SPPL2A: variants seen among roughly 807,000 people sequenced by gnomAD.
SPPL2A encodes the protein signal peptide peptidase-like 2A.
In SPPL2A, 51 loss-of-function variants were observed where a neutral mutation model predicts 63.8. The observed-to-expected ratio is 0.80, with a 90% CI of 0.64 to 1.01. SPPL2A has a LOEUF of 1.01. SPPL2A is among the 50% of genes least tolerant of loss of function. SPPL2A has a pLI of 0.00. For synonymous variants in SPPL2A, 188 were observed against 205.8 expected, an observed-to-expected ratio of 0.91 and a Z score of 0.74; for missense variants, 553 against 622.7, an observed-to-expected ratio of 0.89 and a Z score of 1.19.
At position 50,749,672 on chromosome 15, in the gene SPPL2A, A is replaced by AG; in HGVS notation, c.140dup (p.Tyr48LeufsTer16). 6.2e-7 allele frequency: 1 copy of AG among 1,611,638 alleles called. No individual in the cohort carries two copies. The highest frequency in any genetic ancestry group is 8.5e-7 in the Non-Finnish European group (1 of 1,177,766). On this transcript the variant is annotated frameshift_variant, in exon 2 of 15. Coordinates refer to ENST00000261854, the MANE Select transcript of SPPL2A (RefSeq NM_032802.4). LOFTEE classifies it high-confidence loss of function. ...GGGTACTTGGAAGAGCTGTCCAATA[A>AG]GGGTTATAAAGCATGCAGTAGTCCT... is the stretch of plus-strand genomic sequence containing the variant.
At chr15:50,750,059 T>C (rs1294344046) in intron 1 of SPPL2A, among the ~76,000 whole-genome samples, 1 of 152,190 alleles carries the variant, frequency 6.6e-6, no homozygotes, top group Admixed American at 6.5e-5. Context: ...ACTTGACAGC[T>C]GGAAACTTTC....
intron 13 of SPPL2A, 136 bp from the exon 14 acceptor site, chr15:50,720,236 T>C (rs2062634161): frequency 3.1e-6 from 2 of 634,988 alleles, no homozygotes; most frequent in Non-Finnish European, 5.2e-6. Flanking sequence ...ATTTCATCAT[T>C]TTCCTAGATA....
chr15:50,749,612 G>GTTT, intron 2 of SPPL2A, 24 bp downstream of exon 2: 1 of 1,372,604 alleles, frequency 7.3e-7, no homozygotes, highest in Non-Finnish European at 1.0e-6. Flanking sequence ...TTATGTTTAT[G>GTTT]AATAGTAACT....
intron 14 of SPPL2A, among the ~76,000 whole-genome samples, 170 bp downstream of exon 14, chr15:50,719,770 G>C (rs1056463887): frequency 6.6e-6 from 1 of 151,476 alleles, no homozygotes; most frequent in Non-Finnish European, 1.5e-5. Context: ...TTTGGCATTA[G>C]ATTGCAGGGG....
At position 50,749,636 on chromosome 15, in the gene SPPL2A, T is replaced by C. The variant is rs777108590; in HGVS notation, c.177A>G (p.Ala59=). ...TGAATAGTAACTGTGATTTACTTAC[T>C]GCATTTTCTAGGGTACTTGGAAGAG... ...WTALPSTLEN[A]TSISLMNLTS... Residue 59 remains alanine, a splice_region_variant and synonymous_variant, in exon 2 of 15, where the codon GCA becomes GCG. Transcript: ENST00000261854. 21 of 1,541,730 alleles carry C rather than the reference T, an allele frequency of 1.4e-5. No individual in the cohort carries two copies. The East Asian group carries it at 4.5e-4, about 33-fold the overall frequency.
chr15:50,748,578 C>A lies in SPPL2A; in HGVS notation c.360+110G>T. The A allele has an allele frequency of 7.2e-6, 5 of 691,554 alleles. No homozygotes were observed. The Admixed American group carries it at 1.1e-4, about 15-fold the overall frequency. The allele number at this position is 691,554 out of a possible 1,614,324, so 42.8% of individuals were successfully genotyped here. Reference sequence around the variant, plus strand: ...ATTTATTTACAAAGAATCTTGCCATCAGATCATTCAAAACTCAGCCTCTAA... The same window carrying A: ...ATTTATTTACAAAGAATCTTGCCATAAGATCATTCAAAACTCAGCCTCTAA... On this transcript the variant is annotated intron_variant, in intron 3 of 14. Coordinates refer to ENST00000261854, the MANE Select transcript of SPPL2A (RefSeq NM_032802.4).
At chr15:50,735,633 C>T (rs1167344300) in intron 8 of SPPL2A, among the ~76,000 whole-genome samples, 1 of 151,974 alleles carries the variant, frequency 6.6e-6, no homozygotes, top group Non-Finnish European at 1.5e-5. Context: ...GATCTTGGCT[C>T]ACTGCAACCT....
intron 12 of SPPL2A, among the ~76,000 whole-genome samples, chr15:50,724,890 T>C (rs377751322): frequency 6.6e-6 from 1 of 152,214 alleles, no homozygotes; most frequent in East Asian, 1.9e-4. Context: ...TCTTAAAATA[T>C]AAGTAATATA....
intron 10 of SPPL2A, 149 bp downstream of exon 10, chr15:50,730,816 A>C: frequency 1.8e-6 from 1 of 568,498 alleles, no homozygotes; most frequent in East Asian, 3.5e-5. Flanking sequence ...AAAGCTTGAA[A>C]GTTAAAAGGC....
intron 5 of SPPL2A, 73 bp from the exon 6 acceptor site, chr15:50,739,901 A>C (rs1051784821): frequency 2.8e-5 from 24 of 855,040 alleles, no homozygotes; most frequent in Non-Finnish European, 3.4e-5. Context: ...CTCTAACACC[A>C]ATTTAAATCT....
At position 50,750,813 on chromosome 15, in the gene SPPL2A, G is replaced by A. The variant is rs142347448; in HGVS notation, c.67-1067C>T. ...TTGGCTCAATACAAATCCTTCTCTC[G>A]TCCTCTGAGCAAATCTTTTTCTAAA... On this transcript the variant is annotated intron_variant, in intron 1 of 14. Coordinates refer to ENST00000261854, the MANE Select transcript of SPPL2A (RefSeq NM_032802.4). Among the ~76,000 whole-genome samples, 963 of 152,192 alleles carry A rather than the reference G, an allele frequency of 6.3e-3. 13 individuals carry two copies. Among genetic ancestry groups the A allele is most frequent in the African/African-American group, 0.022 (923 of 41,516 alleles).
At chr15:50,721,398 T>A (rs12442145) in intron 13 of SPPL2A, among the ~76,000 whole-genome samples, 24,205 of 151,254 alleles carry the variant, frequency 0.16, 2,437 homozygotes, top group East Asian at 0.44. Context: ...TTCTTCATCT[T>A]CTCCCTCACT....
chr15:50,754,478 C>A (rs887602079), intron 1 of SPPL2A, among the ~76,000 whole-genome samples: 1 of 152,104 alleles, frequency 6.6e-6, no homozygotes, highest in South Asian at 2.1e-4. Context: ...GATAGTTGCA[C>A]GTATCTGTGA....
chr15:50,708,029 T>C (rs577445063), intron 14 of SPPL2A, among the ~76,000 whole-genome samples, 155 bp from the exon 15 acceptor site: 1 of 152,338 alleles, frequency 6.6e-6, no homozygotes, highest in South Asian at 2.1e-4. Context: ...ACATCCACAC[T>C]TCTAAGGAGA....
intron 12 of SPPL2A, among the ~76,000 whole-genome samples, chr15:50,723,335 T>C (rs770079879): frequency 6.6e-6 from 1 of 152,212 alleles, no homozygotes; most frequent in Non-Finnish European, 1.5e-5. Context: ...GAAATCAGTA[T>C]GTCAAAGAGA....
At chr15:50,731,909 C>T (rs915484681) in intron 9 of SPPL2A, among the ~76,000 whole-genome samples, 1 of 111,680 alleles carries the variant, frequency 9.0e-6, no homozygotes, top group Admixed American at 1.3e-4. Flanking sequence ...GCCTGGGAGA[C>T]TGAATGAGAC....
chr15:50,736,238 G>T, intron 7 of SPPL2A, 36 bp from the exon 8 acceptor site: 1 of 1,170,750 alleles, frequency 8.5e-7, no homozygotes, highest in Non-Finnish European at 1.3e-6. Flanking sequence ...CACTGCAGAT[G>T]AAGTACAATG....
intron 1 of SPPL2A, among the ~76,000 whole-genome samples, chr15:50,762,137 G>A (rs925637448): frequency 2.6e-5 from 4 of 151,960 alleles, no homozygotes; most frequent in Non-Finnish European, 2.9e-5. Flanking sequence ...GGAGGCCAAG[G>A]CAGGAAGATC....
chr15:50,748,266 T>C, intron 3 of SPPL2A, 64 bp from the exon 4 acceptor site: 2 of 607,456 alleles, frequency 3.3e-6, no homozygotes, highest in East Asian at 3.7e-5. Flanking sequence ...AAAATACTAT[T>C]CCATTAAATA....
Sources: allele counts gnomAD v4.1 joint callset (sites outside exome capture counted in the v4.1 genomes callset), GRCh38; gene constraint gnomAD v4.1.1; transcripts MANE v1.5; gene names NCBI Gene and HGNC (gene_info 2026-07-23, HGNC 2026-07-21).